Variants in SLC2A9 observed in about 807,000 individuals in gnomAD.
SLC2A9 encodes solute carrier family 2 member 9.
In SLC2A9, 39 loss-of-function variants were observed where a neutral mutation model predicts 50.6. The observed-to-expected ratio is 0.77, with a 90% CI of 0.60 to 1.01. The LOEUF (loss-of-function observed/expected upper bound fraction) is 1.01, where lower values mean the gene tolerates loss of function less well. SLC2A9 is among the 50% of genes least tolerant of loss of function. The probability of loss-of-function intolerance (pLI) is 0.00; values close to 1 mark genes in which losing one functional copy is unlikely to be tolerated. For synonymous variants in SLC2A9, 324 were observed against 276.9 expected, an observed-to-expected ratio of 1.17 and a Z score of -1.69; for missense variants, 686 against 677.6, an observed-to-expected ratio of 1.01 and a Z score of -0.14.
intron 3 of SLC2A9, among the ~76,000 whole-genome samples, chr4:9,815,621 T>C (rs571430576): frequency 7.2e-5 from 11 of 152,334 alleles, no homozygotes; most frequent in Admixed American, 7.2e-4. Context: ...GCATGCTTCA[T>C]TTGTTCCTCC....
At chr4:9,845,647 G>C (rs969045911) in intron 10 of SLC2A9, among the ~76,000 whole-genome samples, 1 of 150,880 alleles carries the variant, frequency 6.6e-6, no homozygotes, top group African/African-American at 2.4e-5. Flanking sequence ...AGCCAGGATG[G>C]TCTCGATCTC....
At chr4:9,926,773 C>T (rs1744975970) in intron 6 of SLC2A9, among the ~76,000 whole-genome samples, 1 of 152,062 alleles carries the variant, frequency 6.6e-6, no homozygotes, top group Non-Finnish European at 1.5e-5. Flanking sequence ...ATGAGGAAGT[C>T]ATACTGTAGG....
rs748137908 is a variant in SLC2A9, at chr4:9,985,659, G to T, written c.535+10C>A. On this transcript the variant is annotated intron_variant, in intron 4 of 11. Coordinates refer to ENST00000264784, the MANE Select transcript of SLC2A9 (RefSeq NM_020041.3). ...GTTACTGTTCCCTCCCCGTCATGGT[G>T]AACTCTCACCTCCATCTATGCCCAT... The T allele has an allele frequency of 1.2e-6, 2 of 1,613,860 alleles. No homozygotes were observed. Among genetic ancestry groups the T allele is most frequent in the Admixed American group, 1.7e-5 (1 of 59,992 alleles).
chr4:9,837,539 T>C (rs536907729), intron 10 of SLC2A9, among the ~76,000 whole-genome samples: 32 of 152,324 alleles, frequency 2.1e-4, no homozygotes, highest in African/African-American at 7.5e-4. Flanking sequence ...TACAATGGAA[T>C]GCGGTACATC....
chr4:9,851,556 C>A (rs1391645531), intron 10 of SLC2A9, among the ~76,000 whole-genome samples: 1 of 152,144 alleles, frequency 6.6e-6, no homozygotes, highest in Admixed American at 6.6e-5. Context: ...AATTCCCCAG[C>A]AATGGTTCTT....
At chr4:9,894,165 T>C (rs532906272) in intron 8 of SLC2A9, among the ~76,000 whole-genome samples, 1 of 152,298 alleles carries the variant, frequency 6.6e-6, no homozygotes, top group Non-Finnish European at 1.5e-5. Context: ...TTTATACTAC[T>C]GGGGAAATAG....
At chr4:9,958,448 A>G (rs552370633) in intron 5 of SLC2A9, among the ~76,000 whole-genome samples, 1 of 152,294 alleles carries the variant, frequency 6.6e-6, no homozygotes, top group African/African-American at 2.4e-5. Flanking sequence ...AACAATGAGA[A>G]CACATGGACA....
intron 8 of SLC2A9, among the ~76,000 whole-genome samples, chr4:9,899,606 CA>C (rs1293006867): frequency 5.3e-5 from 8 of 152,206 alleles, no homozygotes; most frequent in African/African-American, 1.9e-4. Context: ...GAATATAATT[CA>C]ATGAAACAAA....
chr4:9,827,375 A>C (rs1725318693), intron 11 of SLC2A9, among the ~76,000 whole-genome samples: 1 of 152,208 alleles, frequency 6.6e-6, no homozygotes, highest in South Asian at 2.1e-4. Context: ...CCACCATTCC[A>C]GAAATAAAAG....
At chr4:9,964,748 G>C (rs1216784162) in intron 5 of SLC2A9, among the ~76,000 whole-genome samples, 1 of 152,180 alleles carries the variant, frequency 6.6e-6, no homozygotes. Flanking sequence ...TTAGGGTCTG[G>C]ATGAGAAAAA....
chr4:9,786,337 G>A (rs1412043592), intron 3 of SLC2A9, among the ~76,000 whole-genome samples: 1 of 152,216 alleles, frequency 6.6e-6, no homozygotes, highest in Admixed American at 6.5e-5. Context: ...CTTGAACCCA[G>A]GTAGCCTGGC....
At chr4:9,909,803 C>A (rs1741357496) in intron 7 of SLC2A9, among the ~76,000 whole-genome samples, 2 of 152,238 alleles carry the variant, frequency 1.3e-5, no homozygotes, top group Admixed American at 1.3e-4. Flanking sequence ...GATGGGGACA[C>A]CCCCTGCATT....
intron 10 of SLC2A9, among the ~76,000 whole-genome samples, chr4:9,870,690 G>A (rs1733280854): frequency 6.6e-6 from 1 of 152,220 alleles, no homozygotes; most frequent in Non-Finnish European, 1.5e-5. Flanking sequence ...CCGAACATGT[G>A]AAAATGCAAG....
At chr4:9,775,413 CCTGGAAACCAGGAGGTCTG>C (rs1717420075), downstream of SLC2A9, among the ~76,000 whole-genome samples, 5 of 152,150 alleles carry the variant, frequency 3.3e-5, no homozygotes, top group South Asian at 1.0e-3. Context: ...AGAAAGGGGA[CCTGGAAACCAGGAGGTCTG>C]CTTCCAGGGA....
At chr4:9,869,249 T>G (rs1733005177) in intron 10 of SLC2A9, among the ~76,000 whole-genome samples, 1 of 152,118 alleles carries the variant, frequency 6.6e-6, no homozygotes. Context: ...AGCATCAACC[T>G]CCGTCTCCAC....
chr4:9,826,341 T>A lies in SLC2A9; in HGVS notation c.*56A>T. The A allele has an allele frequency of 6.4e-7, 1 of 1,565,988 alleles. No homozygotes were observed. Among genetic ancestry groups the A allele is most frequent in the Non-Finnish European group, 8.8e-7 (1 of 1,136,326 alleles). On this transcript the variant is annotated 3_prime_UTR_variant, in exon 12 of 12. Coordinates refer to ENST00000264784, the MANE Select transcript of SLC2A9 (RefSeq NM_020041.3). ...TTAAGTTTCCTGAAAAGTGAGATCA[T>A]CCATGTAGACAATCCTGTTTTTGAC...
At chr4:9,859,026 G>T (rs1184040465) in intron 10 of SLC2A9, among the ~76,000 whole-genome samples, 2 of 152,180 alleles carry the variant, frequency 1.3e-5, no homozygotes, top group Non-Finnish European at 2.9e-5. Flanking sequence ...CCAGTGGTTT[G>T]CCAGGGACTC....
chr4:9,783,319 G>C (rs1457365876), intron 3 of SLC2A9: 4 of 1,614,126 alleles, frequency 2.5e-6, no homozygotes, highest in East Asian at 2.2e-5. Context: ...ACGACGAGGA[G>C]GAGGGTCCTT....
At chr4:9,879,396 G>GTGTT in intron 10 of SLC2A9, 3 of 985,200 alleles carry the variant, frequency 3.0e-6, no homozygotes, top group Non-Finnish European at 3.6e-6. Context: ...GTGTGTGTGT[G>GTGTT]TGTGTTTGTG....
Sources: gnomAD v4.1 joint callset for allele counts (sites outside exome capture counted in the v4.1 genomes callset) on GRCh38, gnomAD v4.1.1 for gene constraint, MANE v1.5 for transcripts, NCBI Gene and HGNC (gene_info 2026-07-23, HGNC 2026-07-21) for gene names.